The following NCOR1 variants were observed in gnomAD, a reference collection of about 807,000 sequenced individuals.
NCOR1 encodes nuclear receptor corepressor 1.
In NCOR1, 63 loss-of-function variants were observed where a neutral mutation model predicts 288.1. The observed-to-expected ratio is 0.22, with a 90% CI of 0.18 to 0.27. The LOEUF is 0.27. NCOR1 is among the 10% of genes least tolerant of loss of function. NCOR1 has a pLI of 1.00. For synonymous variants in NCOR1, 1,007 were observed against 1,065.9 expected (o/e 0.94, Z 1.08); for missense variants, 2,397 against 3,019.2 (o/e 0.79, Z 4.83).
chr17:16,195,892 ATAAT>A (rs1249333247), intron 1 of NCOR1, among the ~76,000 whole-genome samples: 4 of 152,170 alleles, frequency 2.6e-5, no homozygotes, highest in Non-Finnish European at 5.9e-5. Flanking sequence ...TATGTTATAC[ATAAT>A]TAATATGTAT....
intron 16 of NCOR1, 137 bp downstream of exon 16, chr17:16,120,904 TTGACATTAAAG>T (rs1275791968): frequency 1.3e-5 from 9 of 686,116 alleles, no homozygotes; most frequent in Non-Finnish European, 1.8e-5. Flanking sequence ...TCAAAAAACT[TTGACATTAAAG>T]TTTAAAAAAT....
intron 2 of NCOR1, 112 bp downstream of exon 2, chr17:16,194,350 T>C (rs1181410354): frequency 3.2e-6 from 2 of 620,278 alleles, no homozygotes; most frequent in Non-Finnish European, 5.2e-6. Context: ...CTCTTGCAAC[T>C]TAAAAAAAAA....
chr17:16,108,720 C>T (rs780650200), intron 19 of NCOR1, 66 bp downstream of exon 19: 114 of 1,448,756 alleles, frequency 7.9e-5, no homozygotes, highest in Non-Finnish European at 1.0e-4. Context: ...CCTACACAGT[C>T]AAATGACTAA....
At chr17:16,185,702 A>AAAAG (rs2086526872) in intron 3 of NCOR1, among the ~76,000 whole-genome samples, 1 of 150,460 alleles carries the variant, frequency 6.6e-6, no homozygotes, top group African/African-American at 2.5e-5. Flanking sequence ...AAAAAAAAAA[A>AAAAG]AAAAAAAGAA....
intron 6 of NCOR1, among the ~76,000 whole-genome samples, chr17:16,154,090 G>A (rs957416233): frequency 7.3e-6 from 1 of 137,580 alleles, no homozygotes; most frequent in Non-Finnish European, 1.5e-5. Context: ...ACAATGGCAC[G>A]ATCATAGCTC....
chr17:16,101,873 T>C (rs2285580), intron 19 of NCOR1, 116 bp from the exon 20 acceptor site: 723,252 of 1,307,426 alleles, frequency 0.55, 205,733 homozygotes, highest in African/African-American at 0.73. Context: ...AGAAACCATG[T>C]TTGAAAGTAG....
intron 21 of NCOR1, among the ~76,000 whole-genome samples, chr17:16,096,308 A>T (rs1211013769): frequency 2.6e-5 from 4 of 152,222 alleles, no homozygotes; most frequent in South Asian, 2.1e-4. Context: ...TCAATAAAAA[A>T]AAAATAAAAT....
At chr17:16,208,157 C>T (rs2091760924) in intron 1 of NCOR1, among the ~76,000 whole-genome samples, 1 of 146,554 alleles carries the variant, frequency 6.8e-6, no homozygotes, top group East Asian at 2.0e-4. Context: ...TCTCCTGCCT[C>T]AGCCTCCTGA....
intron 10 of NCOR1, among the ~76,000 whole-genome samples, chr17:16,144,820 C>T (rs976484588): frequency 4.0e-5 from 6 of 151,238 alleles, no homozygotes; most frequent in Admixed American, 3.3e-4. Context: ...CTCCTTCTCC[C>T]GCTTTCCACG....
intron 40 of NCOR1, among the ~76,000 whole-genome samples, chr17:16,050,524 T>C (rs1348925063): frequency 6.6e-6 from 1 of 152,188 alleles, no homozygotes; most frequent in Non-Finnish European, 1.5e-5. Flanking sequence ...CACCCGGCCC[T>C]GCTAAAATTT....
rs1259941212 is a variant in NCOR1 at position 16,048,963 on chromosome 17, T to C, written c.6418A>G (p.Ser2140Gly). The part of the protein sequence containing the change: ...GSRPGKSPER[S>G]HVSSEPYEPI... ...TCGTAGGGCTCCGAAGAGACGTGAC[T>C]CCTCTCTGGGGATTTTCCAGGCCTA... The change falls in exon 41 of 46, where the codon AGT (serine) becomes GGT (glycine). Residue 2140 changes from serine to glycine, a missense_variant. By Grantham distance (56) the Ser-to-Gly change is moderately conservative (BLOSUM62 0). Around this residue, in one of 11 missense-constraint regions of NCOR1, gnomAD observed 1,872 missense variants for 2,187.8 expected, o/e 0.86. Transcript: ENST00000268712. The C allele has an allele frequency of 6.2e-7, 1 of 1,611,398 alleles. No individual in the cohort carries two copies.
Position 16,061,791 on chromosome 17 carries a change from C to G in NCOR1, c.5491G>C (p.Ala1831Pro), listed in dbSNP as rs1257146657. The change falls in exon 37 of 46, where the codon GCA becomes CCA. Residue 1831 changes from alanine to proline, a missense_variant. Physicochemically the swap from Ala to Pro is conservative, Grantham distance 27. Transcript: ENST00000268712. ...LAALVDAAAS[A>P]PQMDVSKTKE... ...GTTTTGGACACATCCATCTGGGGTG[C>G]AGAAGCTGCAGCATCCACAAGAGCA... is the stretch of plus-strand genomic sequence containing the variant. 6.2e-7 allele frequency: 1 copy of G among 1,614,230 alleles called. No individual in the cohort carries two copies. Among genetic ancestry groups the G allele is most frequent in the Non-Finnish European group, 8.5e-7 (1 of 1,180,032 alleles).
chr17:16,194,432 TG>T (rs770109740), intron 2 of NCOR1, 29 bp downstream of exon 2: 24 of 1,410,284 alleles, frequency 1.7e-5, no homozygotes. Flanking sequence ...ACAAAAAACA[TG>T]TGCAATTTGC....
At chr17:16,186,950 G>A (rs2086780296) in intron 2 of NCOR1, among the ~76,000 whole-genome samples, 1 of 151,750 alleles carries the variant, frequency 6.6e-6, no homozygotes, top group African/African-American at 2.4e-5. Flanking sequence ...CTCCCAATCT[G>A]TATTACTCAC....
rs2058746970 is a variant in NCOR1 at position 16,047,005 on chromosome 17, T to G, written c.6625A>C (p.Lys2209Gln). ...ENTSPMVKSK[K>Q]QEIFRKLNSS... ...TTCAACTTACGAAAAATCTCCTGCTTCTTTGATTTAACCATGGGTGATGTA... is the reference window on the plus strand; with the variant it reads ...TTCAACTTACGAAAAATCTCCTGCTGCTTTGATTTAACCATGGGTGATGTA... Residue 2209 changes from lysine to glutamine, a missense_variant, in exon 42 of 46, where the codon AAG becomes CAG. Transcript: ENST00000268712. 1.2e-6 allele frequency: 2 copies of G among 1,614,102 alleles called. No individual in the cohort carries two copies. The highest frequency in any genetic ancestry group is 1.7e-6 in the Non-Finnish European group (2 of 1,179,996).
At chr17:16,158,267 C>T (rs753167405) in intron 6 of NCOR1, among the ~76,000 whole-genome samples, 3 of 152,210 alleles carry the variant, frequency 2.0e-5, no homozygotes, top group Non-Finnish European at 2.9e-5. Context: ...AGCCACCATG[C>T]CCCGCCTTGA....
Position 16,094,763 on chromosome 17 carries a change from C to T in NCOR1, c.2821-2705G>A, listed in dbSNP as rs184526163. 7.5e-3 allele frequency among the ~76,000 whole-genome samples: 1,143 copies of T among 152,340 alleles called. 17 individuals are homozygous for T. The highest frequency in any genetic ancestry group is 0.049 in the East Asian group (254 of 5,186). On this transcript the variant is annotated intron_variant, in intron 21 of 45. Transcript: ENST00000268712. ...TATTTTTTTGGTGGAGACGGGGTTTCGCTGTGTTGGCTGGGCTGGTCTCCA... is the reference window on the plus strand; with the variant it reads ...TATTTTTTTGGTGGAGACGGGGTTTTGCTGTGTTGGCTGGGCTGGTCTCCA...
In NCOR1 at chr17:16,087,555, C is replaced by T. The variant is rs1245048768; in HGVS notation, c.3017-1113G>A. On this transcript the variant is annotated intron_variant, in intron 22 of 45. Coordinates refer to ENST00000268712, the MANE Select transcript of NCOR1 (RefSeq NM_006311.4). ...CTCAAAAATTCATTTACGAGTTTTC[C>T]CTTTAAAGGAAAAAGAACTTCTCTT... Among the ~76,000 whole-genome samples, 3 of 152,054 alleles carry T rather than the reference C, an allele frequency of 2.0e-5. No homozygotes were observed. In the East Asian group the frequency reaches 5.8e-4, roughly 29 times the overall value.
chr17:16,107,629 T>C (rs2069056913), intron 19 of NCOR1, among the ~76,000 whole-genome samples: 1 of 152,082 alleles, frequency 6.6e-6, no homozygotes, highest in Admixed American at 6.6e-5. Flanking sequence ...CAGCCTTCAT[T>C]AACATTTATA....
Sources: allele counts gnomAD v4.1 joint callset (sites outside exome capture counted in the v4.1 genomes callset), GRCh38; gene constraint gnomAD v4.1.1; regional missense constraint gnomAD v4.1.1; transcripts MANE v1.5; gene names NCBI Gene and HGNC (gene_info 2026-07-23, HGNC 2026-07-21).